Variants in USP37 observed in about 807,000 individuals in gnomAD.
The protein encoded by USP37 is ubiquitin specific peptidase 37, also known as ubiquitin carboxyl-terminal hydrolase 37.
A neutral mutation model predicts 124.0 loss-of-function variants in USP37; 27 were observed. The ratio of observed to expected loss-of-function variants is 0.22; its 90% confidence interval spans 0.16 to 0.30. USP37 has a LOEUF of 0.30. Among genes scored for constraint, USP37 ranks in the 10% least tolerant of loss-of-function variants. The probability of loss-of-function intolerance (pLI) is 1.00; values close to 1 mark genes in which losing one functional copy is unlikely to be tolerated. For synonymous variants in USP37, 365 were observed against 388.0 expected (o/e 0.94, Z 0.70); for missense variants, 889 against 1,140.4 (o/e 0.78, Z 3.17).
In USP37 at chr2:218,479,705, A is replaced by G. The variant is rs1408764410; in HGVS notation, c.1846T>C (p.Leu616=). ...WSAHMAISRP[L]KASQMVNSCI... ...GAATTCACCATTTGAGAGGCTTTCAATGGTCTAGAACTATCAGAAAATTAG... is the reference window on the plus strand; with the variant it reads ...GAATTCACCATTTGAGAGGCTTTCAGTGGTCTAGAACTATCAGAAAATTAG... The change falls in exon 18 of 26, where the codon TTG becomes CTG. Residue 616 remains leucine, a synonymous_variant. Transcript: ENST00000258399. 2 of 1,611,306 alleles carry G rather than the reference A, an allele frequency of 1.2e-6. No individual in the cohort carries two copies. The highest frequency in any genetic ancestry group is 1.7e-5 in the Admixed American group (1 of 59,880).
At chr2:218,534,547 T>C in intron 9 of USP37, 62 bp downstream of exon 9, 1 of 1,009,698 alleles carries the variant, frequency 9.9e-7, no homozygotes, top group African/African-American at 1.7e-5. Flanking sequence ...TAGGTTTTTA[T>C]TTCTAATCTA....
At chr2:218,504,465 A>T (rs1689572737) in intron 11 of USP37, among the ~76,000 whole-genome samples, 2 of 152,192 alleles carry the variant, frequency 1.3e-5, no homozygotes, top group African/African-American at 4.8e-5. Context: ...TTGCTCTGCC[A>T]CTTAGGCTGG....
At chr2:218,544,459 A>AGAGAGAGAGAGAGAGAGG (rs1457872657) in intron 8 of USP37, among the ~76,000 whole-genome samples, 8 of 143,296 alleles carry the variant, frequency 5.6e-5, no homozygotes, top group African/African-American at 2.1e-4. Flanking sequence ...AGAGAGAGAG[A>AGAGAGAGAGAGAGAGAGG]GACCCCAATT....
intron 20 of USP37, among the ~76,000 whole-genome samples, chr2:218,471,899 G>A (rs930253136): frequency 2.0e-5 from 3 of 151,784 alleles, no homozygotes; most frequent in African/African-American, 4.8e-5. Context: ...GTGTGGTGGC[G>A]GGCGCCTGTA....
At chr2:218,562,401 A>G (rs1693359059) in intron 2 of USP37, among the ~76,000 whole-genome samples, 1 of 152,250 alleles carries the variant, frequency 6.6e-6, no homozygotes, top group South Asian at 2.1e-4. Context: ...AAATTTCTTC[A>G]CAATTATTAA....
At chr2:218,535,915 G>A (rs1195139720) in intron 8 of USP37, among the ~76,000 whole-genome samples, 1 of 149,220 alleles carries the variant, frequency 6.7e-6, no homozygotes, top group African/African-American at 2.5e-5. Flanking sequence ...TATTCAGGAG[G>A]CTGAGGCAGA....
At chr2:218,559,128 G>A (rs1327370785) in intron 3 of USP37, among the ~76,000 whole-genome samples, 2 of 151,992 alleles carry the variant, frequency 1.3e-5, no homozygotes, top group Non-Finnish European at 2.9e-5. Context: ...GCAACACAGG[G>A]AGGCTCTATC....
intron 6 of USP37, among the ~76,000 whole-genome samples, chr2:218,547,509 T>C (rs1207270797): frequency 1.4e-5 from 2 of 145,138 alleles, no homozygotes; most frequent in East Asian, 2.0e-4. Flanking sequence ...TATTTTCCTA[T>C]AGCATTCTTA....
intron 13 of USP37, among the ~76,000 whole-genome samples, chr2:218,496,769 C>T (rs1469231744): frequency 1.3e-5 from 2 of 151,926 alleles, no homozygotes; most frequent in African/African-American, 4.8e-5. Context: ...CTGCATCAGC[C>T]TCCCAAGTAG....
intron 10 of USP37, among the ~76,000 whole-genome samples, chr2:218,515,911 T>G (rs1690249906): frequency 6.6e-6 from 1 of 152,040 alleles, no homozygotes; most frequent in Admixed American, 6.6e-5. Flanking sequence ...AAAGAAGACA[T>G]TTATGCGGCT....
Position 218,467,412 on chromosome 2 carries a change from G to A in USP37, c.2300-1236C>T, listed in dbSNP as rs188415780. 4.4e-3 allele frequency among the ~76,000 whole-genome samples: 672 copies of A among 151,724 alleles called. 3 individuals carry two copies. The highest frequency in any genetic ancestry group is 6.8e-3 in the Middle Eastern group (2 of 294). ...TGCTCAGGCTGGAGTGCAGTGGCGC[G>A]ATCTCGGCTCACTGCAACCTTTGCC... On this transcript the variant is annotated intron_variant, in intron 20 of 25. Transcript: ENST00000258399.
intron 11 of USP37, among the ~76,000 whole-genome samples, chr2:218,502,492 GA>G (rs917932542): frequency 3.3e-5 from 5 of 151,304 alleles, no homozygotes; most frequent in African/African-American, 1.2e-4. Flanking sequence ...AGAAGAGTCA[GA>G]AAAAAAATCT....
Position 218,451,708 on chromosome 2 carries a change from A to G in USP37, c.*3222T>C, listed in dbSNP as rs1392707065. 1 of 152,382 alleles carries G rather than the reference A, an allele frequency of 6.6e-6. No individual in the cohort carries two copies. The highest frequency in any genetic ancestry group is 1.5e-5 in the Non-Finnish European group (1 of 68,044). The allele number at this position is 152,382 out of a possible 1,614,324, so 9.4% of individuals were successfully genotyped here. On this transcript the variant is annotated 3_prime_UTR_variant, in exon 26 of 26. Transcript: ENST00000258399. ...TGTTTCAGAATTTTATACTTGATCA[A>G]GGAGAAAAATAAATGTGTAGTCTAA...
chr2:218,508,376 G>T (rs545142468), intron 11 of USP37, among the ~76,000 whole-genome samples: 12 of 151,702 alleles, frequency 7.9e-5, no homozygotes, highest in Non-Finnish European at 1.6e-4. Flanking sequence ...GAGGAAAGAT[G>T]TATTTCTAGA....
chr2:218,556,887 A>G (rs1372248958), intron 4 of USP37, among the ~76,000 whole-genome samples: 1 of 150,870 alleles, frequency 6.6e-6, no homozygotes, highest in Non-Finnish European at 1.5e-5. Context: ...CTGTCCCCCA[A>G]CCACCCTGTT....
intron 20 of USP37, 54 bp downstream of exon 20, chr2:218,474,576 A>G (rs1344783492): frequency 3.1e-6 from 5 of 1,593,474 alleles, no homozygotes; most frequent in Non-Finnish European, 4.3e-6. Context: ...TCACTACAAA[A>G]CTTTGAAAGA....
rs776210160 is a variant in USP37, at chr2:218,454,902, G to A, written c.*28C>T. On this transcript the variant is annotated 3_prime_UTR_variant, in exon 26 of 26. Transcript: ENST00000258399. ...TGGGCAGCAGTAACAAATATGCAGT[G>A]CATGCTGCCAACCCAGGAGTTTGTT... 1 of 1,611,816 alleles carries A rather than the reference G, an allele frequency of 6.2e-7. No individual in the cohort carries two copies. Among genetic ancestry groups the A allele is most frequent in the Admixed American group, 1.7e-5 (1 of 58,840 alleles).
At chr2:218,547,210 G>T in intron 6 of USP37, 119 bp from the exon 7 acceptor site, 1 of 1,073,378 alleles carries the variant, frequency 9.3e-7, no homozygotes. Flanking sequence ...GATGGCTCAT[G>T]CCTGTAATCC....
At chr2:218,556,479 T>C (rs926672880) in intron 4 of USP37, among the ~76,000 whole-genome samples, 2 of 151,494 alleles carry the variant, frequency 1.3e-5, no homozygotes, top group Non-Finnish European at 2.9e-5. Flanking sequence ...GCTAAAAATG[T>C]ATTTGGTTAC....
Sources: allele counts gnomAD v4.1 joint callset (sites outside exome capture counted in the v4.1 genomes callset), GRCh38; gene constraint gnomAD v4.1.1; transcripts MANE v1.5; gene names NCBI Gene and HGNC (gene_info 2026-07-23, HGNC 2026-07-21).